AGAP1: variants seen among roughly 807,000 people sequenced by gnomAD.
AGAP1 encodes the protein arf-GAP with GTPase, ANK repeat and PH domain-containing protein 1.
In AGAP1, 29 loss-of-function variants were observed where a neutral mutation model predicts 105.3. The observed-to-expected ratio is 0.28, with a 90% CI of 0.21 to 0.38. AGAP1 has a LOEUF of 0.38. Among genes scored for constraint, AGAP1 ranks in the 10% least tolerant of loss-of-function variants. AGAP1 has a pLI of 1.00. For synonymous variants in AGAP1, 509 were observed against 485.9 expected (o/e 1.05, Z -0.63); for missense variants, 998 against 1,165.1 (o/e 0.86, Z 2.09).
rs1210171632 is a variant in AGAP1, at chr2:235,789,988, CT to C, written c.674-7770del. On this transcript the variant is annotated intron_variant, in intron 6 of 17. Transcript: ENST00000304032. This position sits in a 1 kb window ranked among gnomAD's most constrained non-coding sequence, Gnocchi z 4.2. Reference sequence around the variant, plus strand: ...TTACTCTGATGGTTTAGAATTTGTCCTGTTGAAATGTGGAAGTAGCTGGACC... The same window carrying C: ...TTACTCTGATGGTTTAGAATTTGTCCGTTGAAATGTGGAAGTAGCTGGACC... Among the ~76,000 whole-genome samples, 1 of 151,998 alleles carries C rather than the reference CT, an allele frequency of 6.6e-6. No individual in the cohort carries two copies.
chr2:235,910,496 C>T (rs936704610), intron 11 of AGAP1, among the ~76,000 whole-genome samples: 2 of 151,990 alleles, frequency 1.3e-5, no homozygotes, highest in Non-Finnish European at 2.9e-5. Flanking sequence ...CTTATTAGAG[C>T]GGTGTGCTAA....
intron 10 of AGAP1, among the ~76,000 whole-genome samples, chr2:235,890,753 C>T (rs1003966742): frequency 3.3e-5 from 5 of 152,166 alleles, no homozygotes; most frequent in African/African-American, 4.8e-5. Flanking sequence ...ACATGGAGAA[C>T]GAATTCTTTC....
intron 13 of AGAP1, among the ~76,000 whole-genome samples, chr2:236,007,506 A>C (rs2056362416): frequency 6.6e-6 from 1 of 152,204 alleles, no homozygotes; most frequent in African/African-American, 2.4e-5. Flanking sequence ...GCGTGAGAGC[A>C]CAAGCAGCAG....
chr2:236,100,282 A>G (rs1421839390), intron 16 of AGAP1, among the ~76,000 whole-genome samples: 2 of 152,150 alleles, frequency 1.3e-5, no homozygotes, highest in African/African-American at 2.4e-5. Flanking sequence ...CTCTGTGTCG[A>G]TGGTAGAAAA....
At chr2:235,593,382 A>G (rs1945415128) in intron 1 of AGAP1, among the ~76,000 whole-genome samples, 1 of 152,092 alleles carries the variant, frequency 6.6e-6, no homozygotes, top group South Asian at 2.1e-4. Context: ...TTATTTCAGA[A>G]TGAGTTACAG....
At chr2:235,685,612 A>G (rs1180709616) in intron 1 of AGAP1, among the ~76,000 whole-genome samples, 1 of 151,996 alleles carries the variant, frequency 6.6e-6, no homozygotes, top group East Asian at 1.9e-4. Flanking sequence ...CCGAAGGCCC[A>G]TGGGTGGTTT....
chr2:235,620,237 C>G lies in AGAP1; in HGVS notation c.164-88942C>G, dbSNP rs1168971035. On this transcript the variant is annotated intron_variant, in intron 1 of 17. Transcript: ENST00000304032. The surrounding 1 kb of genome is among the most constrained non-coding windows in gnomAD (Gnocchi z 4.5). ...CAGGATGCAGTGGCTTCCTGAGCCACCTCAGCCATTAGCACCCTGGTCCCG... is the reference window on the plus strand; with the variant it reads ...CAGGATGCAGTGGCTTCCTGAGCCAGCTCAGCCATTAGCACCCTGGTCCCG... Among the ~76,000 whole-genome samples, 1 of 152,208 alleles carries G rather than the reference C, an allele frequency of 6.6e-6. No homozygotes were observed. The highest frequency in any genetic ancestry group is 1.9e-4 in the East Asian group (1 of 5,194).
At chr2:235,896,532 C>T (rs1446452382) in intron 10 of AGAP1, among the ~76,000 whole-genome samples, 1 of 152,192 alleles carries the variant, frequency 6.6e-6, no homozygotes, top group Admixed American at 6.5e-5. Context: ...TTGCTGGGCC[C>T]AGTCCTGACC....
At chr2:235,727,217 C>T (rs1278155418) in intron 3 of AGAP1, among the ~76,000 whole-genome samples, 6 of 152,048 alleles carry the variant, frequency 3.9e-5, no homozygotes, top group African/African-American at 1.4e-4. Context: ...AGCTGAGTGG[C>T]TTGAGCAGGA....
chr2:235,872,211 C>T lies in AGAP1; in HGVS notation c.1051-11134C>T, dbSNP rs951657259. On this transcript the variant is annotated intron_variant, in intron 9 of 17. Coordinates refer to ENST00000304032, the MANE Select transcript of AGAP1 (RefSeq NM_001037131.3). This position sits in a 1 kb window ranked among gnomAD's most constrained non-coding sequence, Gnocchi z 4.5. ...TCAGTGGGTTAACAGTTGCAAGGCA[C>T]TTAGAGCAGCAGCATCTGGTTCAGA... Among the ~76,000 whole-genome samples, 2 of 151,946 alleles carry T rather than the reference C, an allele frequency of 1.3e-5. No homozygotes were observed. The highest frequency in any genetic ancestry group is 2.9e-5 in the Non-Finnish European group (2 of 68,004).
rs1559506517 is a variant in AGAP1, at chr2:235,803,049, G to GTGATGGTGATGATGGTTGTGA, written c.957+3529_957+3530insATGGTGATGATGGTTGTGATG. 7.1e-3 allele frequency among the ~76,000 whole-genome samples: 23 copies of GTGATGGTGATGATGGTTGTGA among 3,242 alleles called. 2 individuals carry two copies. The highest frequency in any genetic ancestry group is 0.02 in the South Asian group (1 of 50). The allele number at this position is 3,242 out of a possible 152,430, so 2.1% of individuals were successfully genotyped here. A position where few individuals can be genotyped will look rare whatever the true frequency, so the allele number is the denominator to read the frequency against. On this transcript the variant is annotated intron_variant, in intron 8 of 17. Transcript: ENST00000304032. Reference sequence around the variant, plus strand: ...GATGGTTGTGATGGTGATGATGGTTGTGGTGATGGTGGTGATAGTTGTGAT... The same window carrying GTGATGGTGATGATGGTTGTGA: ...GATGGTTGTGATGGTGATGATGGTTGTGATGGTGATGATGGTTGTGATGGTGATGGTGGTGATAGTTGTGAT...
rs1417242714 is a variant in AGAP1, at chr2:235,689,284, G to T, written c.164-19895G>T. ...TTGGAGCTAGAGCAAGAGCAATGGA[G>T]AGAGTGAGGTTGCCGTGTCCACAAG... On this transcript the variant is annotated intron_variant, in intron 1 of 17. Transcript: ENST00000304032. This position sits in a 1 kb window ranked among gnomAD's most constrained non-coding sequence, Gnocchi z 4.2. Among the ~76,000 whole-genome samples, 1 of 152,158 alleles carries T rather than the reference G, an allele frequency of 6.6e-6. No homozygotes were observed. The highest frequency in any genetic ancestry group is 2.4e-5 in the African/African-American group (1 of 41,442).
At chr2:235,791,707 C>T (rs1232914596) in intron 6 of AGAP1, among the ~76,000 whole-genome samples, 1 of 152,128 alleles carries the variant, frequency 6.6e-6, no homozygotes, top group Non-Finnish European at 1.5e-5. Context: ...GCCACAATGC[C>T]TGGCTAATTT....
chr2:236,077,909 T>A (rs1464917946), intron 16 of AGAP1, among the ~76,000 whole-genome samples: 1 of 152,198 alleles, frequency 6.6e-6, no homozygotes, highest in Non-Finnish European at 1.5e-5. Flanking sequence ...GTACATCTGT[T>A]CTTTCTCACC....
chr2:236,030,380 T>C (rs1471807017), intron 13 of AGAP1, among the ~76,000 whole-genome samples: 1 of 152,190 alleles, frequency 6.6e-6, no homozygotes, highest in East Asian at 1.9e-4. Flanking sequence ...GATCTCTGGT[T>C]TTGAGTTCAG....
intron 1 of AGAP1, among the ~76,000 whole-genome samples, chr2:235,684,113 C>G (rs1329731923): frequency 6.6e-6 from 1 of 152,166 alleles, no homozygotes; most frequent in African/African-American, 2.4e-5. Context: ...ACGATCTCGG[C>G]TCACTGCAAG....
In AGAP1 at chr2:235,535,454, G is replaced by A. The variant is rs1405429707; in HGVS notation, c.163+40605G>A. Among the ~76,000 whole-genome samples the A allele has an allele frequency of 3.3e-5, 5 of 150,716 alleles. No homozygotes were observed. Among genetic ancestry groups the A allele is most frequent in the African/African-American group, 1.2e-4 (5 of 40,866 alleles). ...CTGCCCTTTTTCTTTTTCCCATCGA[G>A]GTGCAGGAGGAATTGATCTTAGGGT... On this transcript the variant is annotated intron_variant, in intron 1 of 17. Transcript: ENST00000304032. The surrounding 1 kb of genome is among the most constrained non-coding windows in gnomAD (Gnocchi z 5.1).
chr2:235,505,241 A>G (rs1338382137), intron 1 of AGAP1, among the ~76,000 whole-genome samples: 1 of 152,240 alleles, frequency 6.6e-6, no homozygotes, highest in Non-Finnish European at 1.5e-5. Flanking sequence ...AAAAGAAGAA[A>G]AAAAGCTAAG....
intron 14 of AGAP1, among the ~76,000 whole-genome samples, chr2:236,037,764 T>G (rs1296391552): frequency 6.6e-6 from 1 of 152,204 alleles, no homozygotes; most frequent in African/African-American, 2.4e-5. Flanking sequence ...AAGTCCTTTT[T>G]CCCATCAAGG....
Sources: allele counts gnomAD v4.1 joint callset (sites outside exome capture counted in the v4.1 genomes callset), GRCh38; gene constraint gnomAD v4.1.1; non-coding constraint Gnocchi (gnomAD v3.1); transcripts MANE v1.5; gene names NCBI Gene and HGNC (gene_info 2026-07-23, HGNC 2026-07-21).